Variants in KRT27 observed in about 807,000 individuals in gnomAD.
KRT27 encodes keratin 27, also known as keratin, type I cytoskeletal 27.
Under a neutral mutation model 45.3 loss-of-function variants are expected in KRT27, and 30 were observed. The observed-to-expected ratio is 0.66, with a 90% CI of 0.50 to 0.90. KRT27 has a LOEUF of 0.90. Among genes scored for constraint, KRT27 ranks in the 40% least tolerant of loss-of-function variants. The pLI, the probability that KRT27 is intolerant of heterozygous loss-of-function variation, is 0.00. For synonymous variants in KRT27, 204 were observed against 223.9 expected (o/e 0.91, Z 0.79); for missense variants, 610 against 564.3 (o/e 1.08, Z -0.82).
At chr17:40,777,930 T>A in intron 5 of KRT27, 198 bp from the exon 6 acceptor site, 1 of 620,234 alleles carries the variant, frequency 1.6e-6, no homozygotes, top group Non-Finnish European at 2.7e-6. Flanking sequence ...ATGACACAGC[T>A]GGTGCTGAAT....
chr17:40,777,537 G>C lies in KRT27; in HGVS notation c.1168C>G (p.Leu390Val). Reference sequence around the variant, plus strand: ...GACCCATCTTCTCCATCTATCAGGAGGCAGTAGGTCTCAATTTCTTTTTCC... The same window carrying C: ...GACCCATCTTCTCCATCTATCAGGACGCAGTAGGTCTCAATTTCTTTTTCC... ...HLEKEIETYC[L>V]LIDGEDGSCS... Residue 390 changes from leucine (L) to valine (V), a missense_variant, in exon 6 of 8, where the codon CTC becomes GTC. Leu to Val is a conservative substitution (Grantham distance 32). Transcript: ENST00000301656. 1 of 1,613,948 alleles carries C rather than the reference G, an allele frequency of 6.2e-7. No individual in the cohort carries two copies.
rs761938002 is a variant in KRT27, at chr17:40,781,182, A to G, written c.527+6T>C. 1.3e-6 allele frequency: 2 copies of G among 1,593,396 alleles called. No individual in the cohort carries two copies. The highest frequency in any genetic ancestry group is 1.7e-6 in the Non-Finnish European group (2 of 1,166,124). On this transcript the variant is annotated splice_donor_region_variant and intron_variant, in intron 2 of 7. Transcript: ENST00000301656. The stretch of plus-strand genomic sequence containing the variant: ...TTTTTTCCCATTTATCTTCAGCTCT[A>G]CTTACTTTAGTCTGAAGTCATCAGC...
chr17:40,780,868 TAAA>T (rs1308844380), intron 2 of KRT27, among the ~76,000 whole-genome samples: 4 of 151,830 alleles, frequency 2.6e-5, no homozygotes, highest in Non-Finnish European at 4.4e-5. Flanking sequence ...AATAAATAAA[TAAA>T]TAAATTAATT....
intron 5 of KRT27, among the ~76,000 whole-genome samples, chr17:40,778,373 T>C (rs1249518299): frequency 6.6e-6 from 1 of 152,200 alleles, no homozygotes; most frequent in Non-Finnish European, 1.5e-5. Context: ...TTATATAAAG[T>C]CTTGATTTTA....
chr17:40,779,083 C>A lies in KRT27; in HGVS notation c.972+419G>T, dbSNP rs561483588. ...GTACTATAGAACACTTGAACTGATT[C>A]TCCCTATTTCTCTGTAATTTTGTAT... On this transcript the variant is annotated intron_variant, in intron 5 of 7. Coordinates refer to ENST00000301656, the MANE Select transcript of KRT27 (RefSeq NM_181537.4). Among the ~76,000 whole-genome samples the A allele has an allele frequency of 5.3e-5, 8 of 152,254 alleles. 1 individual carries two copies. Among genetic ancestry groups the A allele is most frequent in the Admixed American group, 3.9e-4 (6 of 15,298 alleles).
rs1239102152 is a variant in KRT27 at position 40,782,412 on chromosome 17, C to T, written c.82G>A (p.Ala28Thr). 6.2e-7 allele frequency: 1 copy of T among 1,613,252 alleles called. No individual in the cohort carries two copies. Among genetic ancestry groups the T allele is most frequent in the Non-Finnish European group, 8.5e-7 (1 of 1,179,596 alleles). ...TGSVRLSSGG[A>T]GFGAGNTCGV... ...CATGTGTTTCCAGCCCCAAAGCCTG[C>T]TCCCCCACTAGAGAGCCTCACAGAG... The change falls in exon 1 of 8, where the codon GCA becomes ACA. Residue 28 changes from alanine (A) to threonine (T), a missense_variant. Ala to Thr is a moderately conservative substitution (Grantham distance 58). Transcript: ENST00000301656.
At chr17:40,781,329 C>T in intron 1 of KRT27, 59 bp from the exon 2 acceptor site, 2 of 996,352 alleles carry the variant, frequency 2.0e-6, no homozygotes, top group Non-Finnish European at 1.6e-6. Context: ...TTCAAAGTTC[C>T]TTGAAATAAA....
chr17:40,782,052 G>T lies in KRT27; in HGVS notation c.442C>A (p.Gln148Lys). The change falls in exon 1 of 8, where the codon CAG (glutamine) becomes AAG (lysine). Residue 148 changes from glutamine (Q) to lysine (K), a missense_variant and splice_region_variant. Transcript: ENST00000301656. ...ACTCACGCCATGGCGTTTCTTACCT[G>T]GTTCTTAAGTTCGTCAATAATTGGG... ...YFPIIDELKNQIISATTSNAH... is the reference protein window; with the variant it reads ...YFPIIDELKNKIISATTSNAH... 1 of 1,608,460 alleles carries T rather than the reference G, an allele frequency of 6.2e-7. No individual in the cohort carries two copies. The highest frequency in any genetic ancestry group is 1.3e-5 in the African/African-American group (1 of 75,020).
In KRT27 at chr17:40,779,851, G is replaced by A. The variant is rs773724450; in HGVS notation, c.695C>T (p.Ala232Val). ...GTTGCCTCCAGCCGCGCACTGAAGA[G>A]CTTTCATTTCCTGAAAGATATTTGT... ...LKKNHEEEMKALQCAAGGNVN... is the reference protein window; with the variant it reads ...LKKNHEEEMKVLQCAAGGNVN... Residue 232 changes from alanine (A) to valine (V), a missense_variant, in exon 4 of 8, where the codon GCT becomes GTT. By Grantham distance (64) the Ala-to-Val change is moderately conservative. Coordinates refer to ENST00000301656, the MANE Select transcript of KRT27 (RefSeq NM_181537.4). 13 of 1,600,488 alleles carry A rather than the reference G, an allele frequency of 8.1e-6. No individual in the cohort carries two copies. The highest frequency in any genetic ancestry group is 1.1e-5 in the Non-Finnish European group (13 of 1,176,502).
chr17:40,779,685 C>G lies in KRT27; in HGVS notation c.846+15G>C. Reference sequence around the variant, plus strand: ...GGCTGAGTCCGCGCCCGGGCGCACCCAAGCGTGGTTTTACCTTTTCGTTGA... The same window carrying G: ...GGCTGAGTCCGCGCCCGGGCGCACCGAAGCGTGGTTTTACCTTTTCGTTGA... On this transcript the variant is annotated intron_variant, in intron 4 of 7. Transcript: ENST00000301656. The G allele has an allele frequency of 6.2e-7, 1 of 1,613,490 alleles. No homozygotes were observed. The highest frequency in any genetic ancestry group is 8.5e-7 in the Non-Finnish European group (1 of 1,179,720).
chr17:40,780,158 G>C, intron 3 of KRT27, 142 bp downstream of exon 3: 2 of 912,492 alleles, frequency 2.2e-6, no homozygotes, highest in Non-Finnish European at 3.2e-6. Context: ...GAATAGAAGC[G>C]TCTCAAACAA....
In KRT27 at chr17:40,782,128, T is replaced by C; in HGVS notation, c.366A>G (p.Lys122=). The part of the protein sequence containing the change: ...LEQKIKGWYE[K]FGPGSCRGLD... ...GGCCACGGCAAGAACCAGGTCCAAATTTCTCATACCACCCCTTGATCTTCT... is the reference window on the plus strand; with the variant it reads ...GGCCACGGCAAGAACCAGGTCCAAACTTCTCATACCACCCCTTGATCTTCT... Residue 122 remains lysine, a synonymous_variant, in exon 1 of 8, where the codon AAA becomes AAG. Transcript: ENST00000301656. 6.2e-7 allele frequency: 1 copy of C among 1,614,162 alleles called. No individual in the cohort carries two copies. Among genetic ancestry groups the C allele is most frequent in the Non-Finnish European group, 8.5e-7 (1 of 1,180,026 alleles).
At position 40,782,421 on chromosome 17, in the gene KRT27, T is replaced by G. The variant is rs974135507; in HGVS notation, c.73A>C (p.Ser25Arg). The change falls in exon 1 of 8, where the codon AGT (serine) becomes CGT (arginine). Residue 25 changes from serine (S) to arginine (R), a missense_variant. Physicochemically the swap from Ser to Arg is moderately radical, Grantham distance 110. Transcript: ENST00000301656. The part of the protein sequence containing the change: ...CGGTGSVRLS[S>R]GGAGFGAGNT... ...CCAGCCCCAAAGCCTGCTCCCCCACTAGAGAGCCTCACAGAGCCAGTGCCC... is the reference window on the plus strand; with the variant it reads ...CCAGCCCCAAAGCCTGCTCCCCCACGAGAGAGCCTCACAGAGCCAGTGCCC... The G allele has an allele frequency of 3.0e-5, 49 of 1,612,068 alleles. No homozygotes were observed. The highest frequency in any genetic ancestry group is 6.7e-5 in the Admixed American group (4 of 59,738).
chr17:40,782,317 G>T lies in KRT27; in HGVS notation c.177C>A (p.Gly59=). 1 of 1,614,042 alleles carries T rather than the reference G, an allele frequency of 6.2e-7. No individual in the cohort carries two copies. The highest frequency in any genetic ancestry group is 8.5e-7 in the Non-Finnish European group (1 of 1,180,002). The change falls in exon 1 of 8, where the codon GGC becomes GGA. Residue 59 remains glycine, a synonymous_variant. Transcript: ENST00000301656. ...AAGCACTTCCCCCGCCCAGACCTCC[G>T]CCATAGCCTCCTGCAGATGAGCTGC... is the stretch of plus-strand genomic sequence containing the variant. ...FGGSSSAGGY[G]GGLGGGSASC...
chr17:40,780,038 A>T (rs909189853), intron 3 of KRT27, among the ~76,000 whole-genome samples, 177 bp from the exon 4 acceptor site: 1 of 152,122 alleles, frequency 6.6e-6, no homozygotes, highest in Non-Finnish European at 1.5e-5. Flanking sequence ...CAGTGTTGGG[A>T]TTATAGGCAT....
At position 40,777,629 on chromosome 17, in the gene KRT27, T is replaced by C. The variant is rs1462655901; in HGVS notation, c.1076A>G (p.Gln359Arg). 1 of 1,614,160 alleles carries C rather than the reference T, an allele frequency of 6.2e-7. No individual in the cohort carries two copies. Residue 359 changes from glutamine to arginine, a missense_variant, in exon 6 of 8, where the codon CAG (glutamine) becomes CGG (arginine). Physicochemically the swap from Gln to Arg is conservative, Grantham distance 43. Coordinates refer to ENST00000301656, the MANE Select transcript of KRT27 (RefSeq NM_181537.4). ...QIGALEEQLH[Q>R]VRTETEGQKL... ...CTGGCCCTCGGTCTCGGTTCTGACC[T>C]GGTGCAGCTGCTCCTCCAGGGCCCC...
rs757674109 is a variant in KRT27, at chr17:40,782,524, C to T, written c.-31G>A. 48 of 1,482,188 alleles carry T rather than the reference C, an allele frequency of 3.2e-5. No individual in the cohort carries two copies. Among genetic ancestry groups the T allele is most frequent in the Admixed American group, 7.2e-5 (3 of 41,630 alleles). 91.8% of individuals were successfully genotyped at this position (1,482,188 alleles called of 1,614,324 possible). ...CCGGAGGCTGGAGCCTTTGTTTCTG[C>T]GGTGATGCTCTGATGGTGAACGGCC... On this transcript the variant is annotated 5_prime_UTR_variant, in exon 1 of 8. Coordinates refer to ENST00000301656, the MANE Select transcript of KRT27 (RefSeq NM_181537.4).
rs2038276016 is a variant in KRT27 at position 40,777,540 on chromosome 17, A to G, written c.1165T>C (p.Cys389Arg). 2.5e-6 allele frequency: 4 copies of G among 1,614,004 alleles called. No individual in the cohort carries two copies. The highest frequency in any genetic ancestry group is 3.4e-6 in the Non-Finnish European group (4 of 1,179,864). Residue 389 changes from cysteine (C) to arginine (R), a missense_variant, in exon 6 of 8, where the codon TGC (cysteine) becomes CGC (arginine). Cys to Arg is a radical substitution (Grantham distance 180, BLOSUM62 -3). Transcript: ENST00000301656. ...VHLEKEIETYCLLIDGEDGSC... is the reference protein window; with the variant it reads ...VHLEKEIETYRLLIDGEDGSC... ...CCATCTTCTCCATCTATCAGGAGGC[A>G]GTAGGTCTCAATTTCTTTTTCCAGG...
chr17:40,779,826 G>T lies in KRT27; in HGVS notation c.720C>A (p.Asn240Lys). Residue 240 changes from asparagine to lysine, a missense_variant, in exon 4 of 8, where the codon AAC becomes AAA. By Grantham distance (94) the Asn-to-Lys change is moderately conservative. Coordinates refer to ENST00000301656, the MANE Select transcript of KRT27 (RefSeq NM_181537.4). ...MKALQCAAGG[N>K]VNVEMNAAPG... ...GGGCCGCGTTCATCTCCACGTTCAC[G>T]TTGCCTCCAGCCGCGCACTGAAGAG... 1 of 1,613,872 alleles carries T rather than the reference G, an allele frequency of 6.2e-7. No individual in the cohort carries two copies. Among genetic ancestry groups the T allele is most frequent in the African/African-American group, 1.3e-5 (1 of 75,042 alleles).
Sources: allele counts gnomAD v4.1 joint callset (sites outside exome capture counted in the v4.1 genomes callset), GRCh38; gene constraint gnomAD v4.1.1; transcripts MANE v1.5; gene names NCBI Gene and HGNC (gene_info 2026-07-23, HGNC 2026-07-21).